Variants in SEL1L2 observed in about 807,000 individuals in gnomAD.
SEL1L2 encodes SEL1L2 adaptor subunit of SYVN1 ubiquitin ligase.
Under a neutral mutation model 98.8 loss-of-function variants are expected in SEL1L2, and 89 were observed. The observed-to-expected ratio is 0.90, with a 90% CI of 0.76 to 1.07. The LOEUF (loss-of-function observed/expected upper bound fraction) is 1.07, where lower values mean the gene tolerates loss of function less well. Ranked by LOEUF, SEL1L2 falls within the 50% of genes least tolerant of loss-of-function variation. The probability of loss-of-function intolerance (pLI) is 0.00; values close to 1 mark genes in which losing one functional copy is unlikely to be tolerated. For missense variants in SEL1L2, 788 were observed against 812.0 expected (o/e 0.97, Z 0.36); for synonymous variants, 262 against 278.5 (o/e 0.94, Z 0.59).
chr20:13,944,535 T>C (rs540619650), intron 2 of SEL1L2, among the ~76,000 whole-genome samples: 12 of 152,302 alleles, frequency 7.9e-5, no homozygotes, highest in African/African-American at 2.9e-4. Context: ...TTTACTGGCC[T>C]AGGAGATGTC....
Position 13,865,430 on chromosome 20 carries a change from A to G in SEL1L2, c.1489T>C (p.Ser497Pro). The change falls in exon 16 of 20, where the codon TCT (serine) becomes CCT (proline). Residue 497 changes from serine (S) to proline (P), a missense_variant. Physicochemically the swap from Ser to Pro is moderately conservative, Grantham distance 74. Coordinates refer to ENST00000284951, the MANE Select transcript of SEL1L2 (RefSeq NM_025229.2). ...AGCAGTGCATACTGAACAAGAGAAG[A>G]ATCTATATCACCATCCTTATAGGCA... Reference protein sequence around the residue: ...YFAYKDGDIDSSLVQYALLAE... With the variant: ...YFAYKDGDIDPSLVQYALLAE... 1.2e-6 allele frequency: 2 copies of G among 1,614,132 alleles called. No homozygotes were observed. The highest frequency in any genetic ancestry group is 2.2e-5 in the South Asian group (2 of 91,084).
intron 2 of SEL1L2, among the ~76,000 whole-genome samples, chr20:13,954,521 CA>C (rs2148439196): frequency 6.6e-6 from 1 of 152,234 alleles, no homozygotes; most frequent in Admixed American, 6.5e-5. Context: ...ATCTTTGACA[CA>C]AAGGTAGTGT....
At chr20:13,908,878 C>T (rs928416915) in intron 5 of SEL1L2, among the ~76,000 whole-genome samples, 1 of 152,148 alleles carries the variant, frequency 6.6e-6, no homozygotes, top group African/African-American at 2.4e-5. Context: ...TTCCTCCATC[C>T]AGCTTCCCTT....
chr20:13,948,990 G>C (rs1220175858), intron 2 of SEL1L2, among the ~76,000 whole-genome samples: 1 of 151,964 alleles, frequency 6.6e-6, no homozygotes, highest in African/African-American at 2.4e-5. Context: ...GGAACTATTG[G>C]GTCAGTTTTC....
chr20:13,976,354 C>T (rs987660635), intron 1 of SEL1L2, among the ~76,000 whole-genome samples: 1 of 151,920 alleles, frequency 6.6e-6, no homozygotes, highest in African/African-American at 2.4e-5. Context: ...GGAAGTAGAA[C>T]TTAAGATAGA....
intron 14 of SEL1L2, 83 bp from the exon 15 acceptor site, chr20:13,866,933 T>A: frequency 2.3e-6 from 3 of 1,277,632 alleles, no homozygotes; most frequent in Non-Finnish European, 3.1e-6. Flanking sequence ...GTCATAGTGA[T>A]GCCTGCTATT....
intron 2 of SEL1L2, among the ~76,000 whole-genome samples, chr20:13,948,219 T>TA (rs984127687): frequency 6.6e-6 from 1 of 151,652 alleles, no homozygotes; most frequent in Non-Finnish European, 1.5e-5. Flanking sequence ...GCAATCCCTA[T>TA]AAAAATCCCA....
Position 13,886,271 on chromosome 20 carries a change from T to A in SEL1L2, c.900+17A>T, listed in dbSNP as rs756299547. On this transcript the variant is annotated intron_variant, in intron 9 of 19. Coordinates refer to ENST00000284951, the MANE Select transcript of SEL1L2 (RefSeq NM_025229.2). Reference sequence around the variant, plus strand: ...ATTTTCATGTTCTAAAAACTCAATCTCATCTGTATACATTACTTGTATCTG... The same window carrying A: ...ATTTTCATGTTCTAAAAACTCAATCACATCTGTATACATTACTTGTATCTG... 1.8e-5 allele frequency: 28 copies of A among 1,568,224 alleles called. No individual in the cohort carries two copies. In the South Asian group the frequency reaches 3.1e-4, roughly 18 times the overall value.
chr20:13,937,087 T>A (rs2049488811), intron 2 of SEL1L2, among the ~76,000 whole-genome samples: 1 of 152,238 alleles, frequency 6.6e-6, no homozygotes, highest in South Asian at 2.1e-4. Context: ...TTGTTTTTAC[T>A]TAAATAGTTT....
At chr20:13,976,193 G>A (rs1033925215) in intron 1 of SEL1L2, among the ~76,000 whole-genome samples, 1 of 151,728 alleles carries the variant, frequency 6.6e-6, no homozygotes, top group African/African-American at 2.4e-5. Flanking sequence ...GTAGAGACAG[G>A]GTTTCTCCAT....
chr20:13,939,984 A>G (rs1013683704), intron 2 of SEL1L2, among the ~76,000 whole-genome samples: 1 of 152,210 alleles, frequency 6.6e-6, no homozygotes, highest in Non-Finnish European at 1.5e-5. Context: ...CTATTCTTTA[A>G]AAGTCATACA....
chr20:13,868,894 G>A (rs982948374), intron 14 of SEL1L2, among the ~76,000 whole-genome samples: 11 of 152,166 alleles, frequency 7.2e-5, no homozygotes, highest in Admixed American at 4.6e-4. Context: ...CACCACGCCC[G>A]GCCTCTTACT....
At chr20:13,943,125 G>T (rs2049856277) in intron 2 of SEL1L2, among the ~76,000 whole-genome samples, 1 of 152,094 alleles carries the variant, frequency 6.6e-6, no homozygotes, top group South Asian at 2.1e-4. Context: ...CTTCCTCTTG[G>T]CAAAGCCATT....
In SEL1L2 at chr20:13,921,884, G is replaced by A. The variant is rs549167179; in HGVS notation, c.284-2761C>T. ...TACTAGATACCAACTATATAGCCTT[G>A]GGAAGATTATTTAACCTCTCAGTGC... is the stretch of plus-strand genomic sequence containing the variant. On this transcript the variant is annotated intron_variant, in intron 3 of 19. Coordinates refer to ENST00000284951, the MANE Select transcript of SEL1L2 (RefSeq NM_025229.2). 1.3e-4 allele frequency among the ~76,000 whole-genome samples: 20 copies of A among 151,928 alleles called. 1 individual carries two copies. Among genetic ancestry groups the A allele is most frequent in the African/African-American group, 4.6e-4 (19 of 41,434 alleles).
At chr20:13,895,685 C>T (rs1034210646) in intron 5 of SEL1L2, among the ~76,000 whole-genome samples, 1 of 152,218 alleles carries the variant, frequency 6.6e-6, no homozygotes, top group Admixed American at 6.5e-5. Context: ...AGATCAGGAT[C>T]AAGGCAAAGA....
At chr20:13,963,293 C>A (rs2050866590) in intron 1 of SEL1L2, among the ~76,000 whole-genome samples, 1 of 148,560 alleles carries the variant, frequency 6.7e-6, no homozygotes, top group East Asian at 2.0e-4. Flanking sequence ...GTTCATCAAC[C>A]CTTGCTAGCC....
chr20:13,858,741 G>C (rs1989560569), intron 18 of SEL1L2, among the ~76,000 whole-genome samples: 1 of 152,194 alleles, frequency 6.6e-6, no homozygotes, highest in Non-Finnish European at 1.5e-5. Context: ...CAAGTCAAGT[G>C]TAGTCTTGGG....
At chr20:13,944,972 TG>T (rs1372478876) in intron 2 of SEL1L2, among the ~76,000 whole-genome samples, 1 of 152,144 alleles carries the variant, frequency 6.6e-6, no homozygotes, top group Non-Finnish European at 1.5e-5. Flanking sequence ...CCTTAGTCTG[TG>T]GTCATGAAAT....
At chr20:13,904,500 C>T (rs1186621309) in intron 5 of SEL1L2, among the ~76,000 whole-genome samples, 1 of 152,026 alleles carries the variant, frequency 6.6e-6, no homozygotes, top group East Asian at 1.9e-4. Flanking sequence ...TCTACTCCAG[C>T]CTGGGTGACA....
Sources: gnomAD v4.1 joint callset for allele counts (sites outside exome capture counted in the v4.1 genomes callset) on GRCh38, gnomAD v4.1.1 for gene constraint, MANE v1.5 for transcripts, NCBI Gene and HGNC (gene_info 2026-07-23, HGNC 2026-07-21) for gene names.